Variants in SAMD5 observed in about 807,000 individuals in gnomAD.
SAMD5 encodes the protein sterile alpha motif domain containing 5, also known as sterile alpha motif domain-containing protein 5.
In SAMD5, 13 loss-of-function variants were observed where a neutral mutation model predicts 11.3. The ratio of observed to expected loss-of-function variants is 1.15; its 90% confidence interval spans 0.75 to 1.83. The LOEUF is 1.83. Ranked by LOEUF, SAMD5 falls within the 40% of genes most tolerant of loss-of-function variation. The probability of loss-of-function intolerance (pLI) is 0.00; values close to 1 mark genes in which losing one functional copy is unlikely to be tolerated. For missense variants in SAMD5, 255 were observed against 239.1 expected, an observed-to-expected ratio of 1.07 and a Z score of -0.44; for synonymous variants, 129 against 111.3, an observed-to-expected ratio of 1.16 and a Z score of -1.00.
At chr6:147,810,535 C>T in the SAMD5 span, among the ~76,000 whole-genome samples, 7 of 152,082 alleles carry the variant, frequency 4.6e-5, no homozygotes, top group African/African-American at 1.7e-4. Flanking sequence ...GAAATAGAGG[C>T]AGCAAATAGA....
the SAMD5 span, among the ~76,000 whole-genome samples, chr6:147,771,048 G>A: frequency 6.6e-6 from 1 of 152,074 alleles, no homozygotes; most frequent in Non-Finnish European, 1.5e-5. Context: ...CTCTTTTTTG[G>A]GAGGACATCT....
chr6:147,714,063 T>C (rs1791433752), intron 1 of SAMD5, among the ~76,000 whole-genome samples: 1 of 152,232 alleles, frequency 6.6e-6, no homozygotes, highest in Admixed American at 6.5e-5. Context: ...ATAAAGTTTA[T>C]ATTAAATGGT....
the SAMD5 span, among the ~76,000 whole-genome samples, chr6:147,918,747 A>ATT: frequency 1.5e-4 from 21 of 138,574 alleles, no homozygotes; most frequent in East Asian, 4.2e-3. Flanking sequence ...GCCCAGGCTG[A>ATT]AATGCAGTGG....
chr6:147,930,300 C>T, the SAMD5 span, among the ~76,000 whole-genome samples: 1 of 152,090 alleles, frequency 6.6e-6, no homozygotes, highest in Non-Finnish European at 1.5e-5. Flanking sequence ...AACTTTCCTT[C>T]ATCTTTCTGT....
chr6:147,909,560 T>C, the SAMD5 span, among the ~76,000 whole-genome samples: 11,309 of 78,618 alleles, frequency 0.14, 1,525 homozygotes, highest in African/African-American at 0.38. Flanking sequence ...CATCCATCTT[T>C]TTTCTTTCTT....
intron 1 of SAMD5, among the ~76,000 whole-genome samples, chr6:147,663,696 G>T (rs1790676885): frequency 6.6e-6 from 1 of 150,918 alleles, no homozygotes; most frequent in Non-Finnish European, 1.5e-5. Context: ...GGAGGCTGAG[G>T]CAGGAGAACC....
intron 1 of SAMD5, 55 bp from the exon 2 acceptor site, chr6:147,564,339 G>A (rs1789001333): frequency 1.3e-6 from 1 of 773,978 alleles, no homozygotes. Flanking sequence ...TGATGGACTA[G>A]GGGAAGAATG....
At chr6:147,919,419 C>A in the SAMD5 span, among the ~76,000 whole-genome samples, 1 of 152,132 alleles carries the variant, frequency 6.6e-6, no homozygotes, top group Non-Finnish European at 1.5e-5. Context: ...CAGTTAAATT[C>A]TTTGGGGCCT....
At chr6:147,621,517 C>G (rs1789967657) in intron 1 of SAMD5, among the ~76,000 whole-genome samples, 1 of 152,208 alleles carries the variant, frequency 6.6e-6, no homozygotes, top group Non-Finnish European at 1.5e-5. Flanking sequence ...CTCTTGCTGA[C>G]ACAGAGCTAT....
chr6:147,817,313 G>T, the SAMD5 span, among the ~76,000 whole-genome samples: 123,289 of 152,176 alleles, frequency 0.81, 50,688 homozygotes, highest in African/African-American at 0.96. Context: ...GTAATAGAAA[G>T]AGTTCATTTC....
downstream of SAMD5, among the ~76,000 whole-genome samples, chr6:147,574,173 C>CATTCATTACTCAATT (rs1789181166): frequency 2.0e-5 from 3 of 150,920 alleles, no homozygotes; most frequent in Non-Finnish European, 4.4e-5. Flanking sequence ...AATTACAAAA[C>CATTCATTACTCAATT]ACAAACATCA....
the SAMD5 span, among the ~76,000 whole-genome samples, chr6:147,905,837 G>C: frequency 6.6e-6 from 1 of 152,098 alleles, no homozygotes; most frequent in Non-Finnish European, 1.5e-5. Flanking sequence ...TGCCAAAGAC[G>C]CCTATCCTCT....
At position 147,558,120 on chromosome 6, in the gene SAMD5, T is replaced by C. The variant is rs1305158529; in HGVS notation, c.460-6274T>C. ...TAAGCATACCGTCATGGCAATTATA[T>C]TGGTGATAATTGAAGTATGAGTTAG... On this transcript the variant is annotated intron_variant, in intron 1 of 1. Transcript: ENST00000367474. Among the ~76,000 whole-genome samples the C allele has an allele frequency of 3.3e-5, 5 of 152,314 alleles. No individual in the cohort carries two copies. In the East Asian group the frequency reaches 7.7e-4, roughly 24 times the overall value.
intron 1 of SAMD5, among the ~76,000 whole-genome samples, chr6:147,534,532 G>T (rs538834585): frequency 2.6e-5 from 4 of 152,284 alleles, no homozygotes; most frequent in African/African-American, 9.6e-5. Flanking sequence ...TATTACTCAA[G>T]TCAGTCTCCC....
chr6:147,939,863 A>G, the SAMD5 span, among the ~76,000 whole-genome samples: 3 of 151,658 alleles, frequency 2.0e-5, no homozygotes, highest in Non-Finnish European at 4.4e-5. Flanking sequence ...AAGTTCTATT[A>G]TTACCGAAAG....
chr6:147,592,610 T>A (rs1789472540), intron 1 of SAMD5, among the ~76,000 whole-genome samples: 2 of 152,040 alleles, frequency 1.3e-5, no homozygotes, highest in African/African-American at 4.8e-5. Context: ...CCTAGGTTCA[T>A]GTGTTAATAA....
At chr6:147,749,913 C>A in the SAMD5 span, among the ~76,000 whole-genome samples, 3 of 152,002 alleles carry the variant, frequency 2.0e-5, no homozygotes, top group Admixed American at 6.5e-5. Context: ...TTAAATAAAA[C>A]CCGCTTATTT....
intron 1 of SAMD5, among the ~76,000 whole-genome samples, chr6:147,561,244 A>G (rs1042340882): frequency 6.6e-6 from 1 of 152,158 alleles, no homozygotes; most frequent in African/African-American, 2.4e-5. Context: ...GCTGGAGTGC[A>G]GTGCCTGATC....
intron 1 of SAMD5, among the ~76,000 whole-genome samples, chr6:147,642,976 G>A (rs186780360): frequency 4.3e-4 from 66 of 152,220 alleles, no homozygotes; most frequent in African/African-American, 1.5e-3. Flanking sequence ...CTAATTCTGC[G>A]AAAATAACTG....
Sources: allele counts gnomAD v4.1 joint callset (sites outside exome capture counted in the v4.1 genomes callset), GRCh38; gene constraint gnomAD v4.1.1; transcripts MANE v1.5; gene names NCBI Gene and HGNC (gene_info 2026-07-23, HGNC 2026-07-21).